The following CC2D2B variants were observed in gnomAD, a reference collection of about 807,000 sequenced individuals.
The protein encoded by CC2D2B is protein CC2D2B.
CC2D2B carries 128 observed loss-of-function variants against 161.2 expected under a neutral mutation model. The observed-to-expected ratio is 0.79, with a 90% confidence interval of 0.69 to 0.92. The LOEUF is 0.92. Ranked by LOEUF, CC2D2B falls within the 40% of genes least tolerant of loss-of-function variation. The pLI is 0.00. For missense variants in CC2D2B, 1,173 were observed against 1,375.1 expected, an observed-to-expected ratio of 0.85 and a Z score of 2.32; for synonymous variants, 391 against 449.8, an observed-to-expected ratio of 0.87 and a Z score of 1.65.
intron 5 of CC2D2B, among the ~76,000 whole-genome samples, chr10:95,926,913 A>G (rs1330593900): frequency 2.7e-5 from 4 of 150,158 alleles, no homozygotes; most frequent in Non-Finnish European, 3.0e-5. Context: ...ACAAGGAGAG[A>G]AAAGAAAGTT....
At chr10:96,016,031 C>T (rs534890785) in intron 29 of CC2D2B, among the ~76,000 whole-genome samples, 170 bp from the exon 30 acceptor site, 1 of 152,172 alleles carries the variant, frequency 6.6e-6, no homozygotes, top group East Asian at 1.9e-4. Context: ...TCCTCTAATG[C>T]CCTAGCAAAG....
intron 2 of CC2D2B, among the ~76,000 whole-genome samples, chr10:95,915,763 C>T (rs1007773735): frequency 3.3e-5 from 5 of 152,042 alleles, no homozygotes; most frequent in South Asian, 2.1e-4. Flanking sequence ...CATTTGGTCA[C>T]GATGAATGAT....
intron 17 of CC2D2B, among the ~76,000 whole-genome samples, chr10:95,981,194 C>A (rs2141586386): frequency 6.6e-6 from 1 of 152,214 alleles, no homozygotes; most frequent in East Asian, 1.9e-4. Context: ...GAGATTGAAA[C>A]CATCCTGGCC....
intron 1 of CC2D2B, among the ~76,000 whole-genome samples, chr10:95,910,919 G>A (rs2141092684): frequency 6.6e-6 from 1 of 152,000 alleles, no homozygotes; most frequent in South Asian, 2.1e-4. Flanking sequence ...TAGTACATTA[G>A]CATGTAGGGA....
chr10:95,954,874 C>T (rs1376072947), intron 10 of CC2D2B, among the ~76,000 whole-genome samples: 1 of 152,064 alleles, frequency 6.6e-6, no homozygotes, highest in Non-Finnish European at 1.5e-5. Flanking sequence ...TAGTTTCCTC[C>T]AGTTCTATTG....
intron 9 of CC2D2B, among the ~76,000 whole-genome samples, chr10:95,940,230 G>A (rs2075975152): frequency 6.6e-6 from 1 of 152,062 alleles, no homozygotes; most frequent in African/African-American, 2.4e-5. Flanking sequence ...CCAAGGGGAT[G>A]GTGTTAAACC....
chr10:96,025,268 G>A (rs1261964367), intron 33 of CC2D2B, among the ~76,000 whole-genome samples: 2 of 136,310 alleles, frequency 1.5e-5, no homozygotes, highest in African/African-American at 2.8e-5. Context: ...CTAAGAGGGG[G>A]AGGATCGCTT....
intron 18 of CC2D2B, 37 bp from the exon 19 acceptor site, chr10:95,983,569 A>C (rs2077612019): frequency 9.4e-7 from 1 of 1,058,938 alleles, no homozygotes; most frequent in African/African-American, 1.6e-5. Context: ...GAATTAAAAA[A>C]AATTAATATT....
At chr10:95,999,745 CTTTTTTT>C (rs746798457) in intron 24 of CC2D2B, 6 of 175,262 alleles carry the variant, frequency 3.4e-5, no homozygotes, top group Non-Finnish European at 5.5e-5. Context: ...GTCCAGAGGT[CTTTTTTT>C]TTTTTTTTTT....
chr10:96,000,402 C>T (rs757217161), intron 24 of CC2D2B, among the ~76,000 whole-genome samples: 1 of 151,908 alleles, frequency 6.6e-6, no homozygotes, highest in Admixed American at 6.6e-5. Context: ...CTTGCTCTGT[C>T]GCCCAGGCTG....
In CC2D2B at chr10:95,947,114, T is replaced by TATATATATATATATATA. The variant is rs1491386108; in HGVS notation, c.802-2782_802-2781insATATATATATATATATA. 1.0e-3 allele frequency among the ~76,000 whole-genome samples: 24 copies of TATATATATATATATATA among 23,896 alleles called. 1 individual carries two copies. The highest frequency in any genetic ancestry group is 2.2e-3 in the Admixed American group (3 of 1,382). The allele number at this position is 23,896 out of a possible 152,430, so 15.7% of individuals were successfully genotyped here. A position where few individuals can be genotyped will look rare whatever the true frequency, so the allele number is the denominator to read the frequency against. The stretch of plus-strand genomic sequence containing the variant: ...ATATATATATATATATATATATATA[T>TATATATATATATATATA]TTTTTTTTTTTTTTTTGAGACAAAG... On this transcript the variant is annotated intron_variant, in intron 9 of 34. Coordinates refer to ENST00000646931, the MANE Select transcript of CC2D2B (RefSeq NM_001349008.3).
chr10:95,950,274 TTAAA>T (rs1245322497), intron 10 of CC2D2B, among the ~76,000 whole-genome samples, 169 bp downstream of exon 10: 1 of 152,206 alleles, frequency 6.6e-6, no homozygotes, highest in Non-Finnish European at 1.5e-5. Context: ...GGAGAAAGCT[TTAAA>T]TATATCCTAT....
intron 11 of CC2D2B, among the ~76,000 whole-genome samples, chr10:95,960,704 G>A (rs2076732615): frequency 6.6e-6 from 1 of 151,962 alleles, no homozygotes; most frequent in Admixed American, 6.6e-5. Context: ...GTAGAGACAG[G>A]GTTTCACCAT....
intron 6 of CC2D2B, among the ~76,000 whole-genome samples, chr10:95,937,367 C>T (rs1002388481): frequency 2.0e-5 from 3 of 152,066 alleles, no homozygotes; most frequent in African/African-American, 7.2e-5. Context: ...TGAATAGACT[C>T]ATTAAATTTA....
At chr10:95,993,946 GTA>G (rs1424075597) in intron 22 of CC2D2B, among the ~76,000 whole-genome samples, 964 of 28,920 alleles carry the variant, frequency 0.033, 32 homozygotes, top group African/African-American at 0.061. Flanking sequence ...GTGTGTGTAT[GTA>G]TGTGTATATA....
chr10:95,913,676 T>C (rs751676719), intron 2 of CC2D2B, among the ~76,000 whole-genome samples: 43 of 152,218 alleles, frequency 2.8e-4, no homozygotes, highest in Non-Finnish European at 4.3e-4. Flanking sequence ...AGTGAGATGA[T>C]GTCTCATTGT....
chr10:95,986,358 C>G (rs6584043), intron 19 of CC2D2B, among the ~76,000 whole-genome samples: 3 of 144,146 alleles, frequency 2.1e-5, no homozygotes, highest in Admixed American at 2.1e-4. Context: ...TTATTGGGGG[C>G]GGGTTCCCCT....
intron 9 of CC2D2B, among the ~76,000 whole-genome samples, chr10:95,947,113 A>ATATATTTTTTTTTTTT (rs1289243570): frequency 2.1e-5 from 1 of 48,382 alleles, no homozygotes; most frequent in African/African-American, 9.3e-5. Flanking sequence ...ATATATATAT[A>ATATATTTTTTTTTTTT]TTTTTTTTTT....
chr10:95,964,437 T>C (rs755764175), intron 12 of CC2D2B, among the ~76,000 whole-genome samples: 2 of 152,188 alleles, frequency 1.3e-5, no homozygotes, highest in Non-Finnish European at 2.9e-5. Context: ...GATTTTAATA[T>C]GTAACAAAGG....
Sources: allele counts gnomAD v4.1 joint callset (sites outside exome capture counted in the v4.1 genomes callset), GRCh38; gene constraint gnomAD v4.1.1; transcripts MANE v1.5; gene names NCBI Gene and HGNC (gene_info 2026-07-23, HGNC 2026-07-21).